FAM151B: variants seen among roughly 807,000 people sequenced by gnomAD.
The protein encoded by FAM151B is family with sequence similarity 151 member B.
Under a neutral mutation model 31.2 loss-of-function variants are expected in FAM151B, and 24 were observed. The ratio of observed to expected loss-of-function variants is 0.77; its 90% confidence interval spans 0.56 to 1.08. The LOEUF (loss-of-function observed/expected upper bound fraction) is 1.08. FAM151B is among the 50% of genes least tolerant of loss of function. The pLI, the probability that FAM151B is intolerant of heterozygous loss-of-function variation, is 0.00. For synonymous variants in FAM151B, 105 were observed against 111.4 expected (o/e 0.94, Z 0.36); for missense variants, 293 against 328.6 (o/e 0.89, Z 0.84).
chr5:80,541,845 C>A lies in FAM151B; in HGVS notation c.*13C>A. On this transcript the variant is annotated 3_prime_UTR_variant, in exon 6 of 6. Coordinates refer to ENST00000282226, the MANE Select transcript of FAM151B (RefSeq NM_205548.3). ...AGTTAATCTCTAAGAAGAAGATTCT[C>A]AATTATTTCCTGTGTTTTGGTTTCA... is the stretch of plus-strand genomic sequence containing the variant. The A allele has an allele frequency of 6.2e-7, 1 of 1,605,628 alleles. No homozygotes were observed. The highest frequency in any genetic ancestry group is 8.5e-7 in the Non-Finnish European group (1 of 1,176,510).
At chr5:80,520,164 T>C (rs111259004) in intron 4 of FAM151B, among the ~76,000 whole-genome samples, 27 of 152,302 alleles carry the variant, frequency 1.8e-4, no homozygotes, top group Middle Eastern at 3.4e-3. Context: ...GTTAGCAATC[T>C]CTTTTTCTAA....
chr5:80,522,150 T>C lies in FAM151B; in HGVS notation c.671+12T>C, dbSNP rs781018200. 1.2e-6 allele frequency: 2 copies of C among 1,608,380 alleles called. No homozygotes were observed. The highest frequency in any genetic ancestry group is 1.7e-6 in the Non-Finnish European group (2 of 1,175,596). On this transcript the variant is annotated intron_variant, in intron 5 of 5. Coordinates refer to ENST00000282226, the MANE Select transcript of FAM151B (RefSeq NM_205548.3). ...AAGAAATCAAACAGGTATGTAATAG[T>C]TTAACAAATGTGTATGTGAGTGTGT...
At chr5:80,510,115 C>A (rs1013143460) in intron 2 of FAM151B, among the ~76,000 whole-genome samples, 1 of 152,098 alleles carries the variant, frequency 6.6e-6, no homozygotes, top group African/African-American at 2.4e-5. Flanking sequence ...AATAGAATAC[C>A]CAAAAATGAG....
chr5:80,538,392 CTT>C (rs1175496086), intron 5 of FAM151B, among the ~76,000 whole-genome samples: 1 of 49,298 alleles, frequency 2.0e-5, no homozygotes, highest in Non-Finnish European at 3.7e-5. Flanking sequence ...TTCTTTCTTT[CTT>C]TCTTTCTTTC....
intron 1 of FAM151B, chr5:80,499,789 C>A (rs1743676219): frequency 1.3e-5 from 2 of 150,758 alleles, no homozygotes; most frequent in African/African-American, 4.9e-5. Context: ...TTTTTAAAAT[C>A]TTATATTTTT....
intron 1 of FAM151B, among the ~76,000 whole-genome samples, chr5:80,495,991 T>C (rs959369804): frequency 9.9e-5 from 15 of 152,222 alleles, no homozygotes; most frequent in African/African-American, 3.6e-4. Context: ...TCTTGAGATG[T>C]AATCTACTTC....
chr5:80,501,680 A>G, intron 1 of FAM151B, 112 bp from the exon 2 acceptor site: 1 of 672,988 alleles, frequency 1.5e-6, no homozygotes, highest in Non-Finnish European at 2.5e-6. Flanking sequence ...ATCTATATAT[A>G]TATATCACAT....
chr5:80,502,060 T>G, intron 2 of FAM151B, 143 bp downstream of exon 2: 1 of 368,802 alleles, frequency 2.7e-6, no homozygotes. Flanking sequence ...TTATTTATTT[T>G]TATTTATTAT....
At chr5:80,499,812 AT>A (rs970384236) in intron 1 of FAM151B, 11 of 149,200 alleles carry the variant, frequency 7.4e-5, no homozygotes, top group African/African-American at 2.7e-4. Context: ...CAGCCTAACT[AT>A]TTTGTTATTA....
intron 5 of FAM151B, among the ~76,000 whole-genome samples, chr5:80,526,837 A>G (rs964228097): frequency 1.3e-5 from 2 of 151,924 alleles, no homozygotes; most frequent in East Asian, 3.9e-4. Context: ...TGGTTGCCAC[A>G]CCAAAAGATG....
intron 5 of FAM151B, among the ~76,000 whole-genome samples, chr5:80,526,048 T>C (rs1232130095): frequency 2.0e-5 from 3 of 152,132 alleles, no homozygotes; most frequent in Non-Finnish European, 2.9e-5. Flanking sequence ...ACGTGGAGGA[T>C]GGGTTCAAGG....
intron 1 of FAM151B, chr5:80,500,311 G>A: frequency 1.3e-6 from 1 of 771,850 alleles, no homozygotes; most frequent in South Asian, 1.4e-5. Flanking sequence ...TGAGCAAGTT[G>A]CCTCTTTTTC....
At chr5:80,521,793 A>G (rs2112644929) in intron 4 of FAM151B, among the ~76,000 whole-genome samples, 1 of 152,212 alleles carries the variant, frequency 6.6e-6, no homozygotes, top group East Asian at 1.9e-4. Flanking sequence ...GCTCTAGGTC[A>G]CTTGTGGAAT....
intron 5 of FAM151B, among the ~76,000 whole-genome samples, chr5:80,541,229 G>A (rs971005185): frequency 1.1e-4 from 17 of 152,184 alleles, no homozygotes; most frequent in African/African-American, 3.1e-4. Context: ...CAGGGCCTCC[G>A]TATATGATTC....
chr5:80,504,736 T>C (rs1420611911), intron 2 of FAM151B, among the ~76,000 whole-genome samples: 1 of 152,036 alleles, frequency 6.6e-6, no homozygotes, highest in African/African-American at 2.4e-5. Flanking sequence ...GCTAGGATGG[T>C]CTCCATCTCC....
intron 1 of FAM151B, among the ~76,000 whole-genome samples, chr5:80,494,460 C>CTTTTCTTTCTTTTCTTTCT (rs56167626): frequency 1.4e-5 from 1 of 70,942 alleles, no homozygotes; most frequent in Non-Finnish European, 2.7e-5. Flanking sequence ...TCTTTCTTTT[C>CTTTTCTTTCTTTTCTTTCT]TTTCTTTCTT....
chr5:80,502,123 C>G (rs941653982), intron 2 of FAM151B, among the ~76,000 whole-genome samples: 1 of 151,900 alleles, frequency 6.6e-6, no homozygotes, highest in Non-Finnish European at 1.5e-5. Context: ...GTTGCCCAGG[C>G]TGGAAAACAA....
chr5:80,522,277 GCA>G (rs1480367164), intron 5 of FAM151B, 139 bp downstream of exon 5: 1 of 821,472 alleles, frequency 1.2e-6, no homozygotes, highest in Non-Finnish European at 1.8e-6. Context: ...TGATATAAGC[GCA>G]CAGACTCCCT....
intron 5 of FAM151B, among the ~76,000 whole-genome samples, chr5:80,538,436 C>CT (rs1413544498): frequency 1.7e-5 from 1 of 59,684 alleles, no homozygotes; most frequent in Non-Finnish European, 3.1e-5. Flanking sequence ...TTCTTTCTTT[C>CT]TTTCTTTCTT....
Sources: allele counts gnomAD v4.1 joint callset (sites outside exome capture counted in the v4.1 genomes callset), GRCh38; gene constraint gnomAD v4.1.1; transcripts MANE v1.5; gene names NCBI Gene and HGNC (gene_info 2026-07-23, HGNC 2026-07-21).